The following CHERP variants were observed in gnomAD, a reference collection of about 807,000 sequenced individuals.
CHERP encodes the protein ERPROT 213-21.
Under a neutral mutation model 113.8 loss-of-function variants are expected in CHERP, and 8 were observed. The observed-to-expected ratio is 0.07, with a 90% CI of 0.04 to 0.13. The LOEUF (loss-of-function observed/expected upper bound fraction) is 0.13, where lower values mean the gene tolerates loss of function less well. Among genes scored for constraint, CHERP ranks in the 10% least tolerant of loss-of-function variants. The probability of loss-of-function intolerance (pLI) is 1.00; values close to 1 mark genes in which losing one functional copy is unlikely to be tolerated. For missense variants in CHERP, 884 were observed against 1,298.2 expected, an observed-to-expected ratio of 0.68 and a Z score of 4.90; for synonymous variants, 559 against 524.5, an observed-to-expected ratio of 1.07 and a Z score of -0.90.
At chr19:16,531,471 C>A (rs1334515808) in intron 5 of CHERP, among the ~76,000 whole-genome samples, 1 of 152,246 alleles carries the variant, frequency 6.6e-6, no homozygotes, top group Non-Finnish European at 1.5e-5. Flanking sequence ...CCTGGGAGGC[C>A]CCTGCCGCTG....
Position 16,528,134 on chromosome 19 carries a change from G to A in CHERP, c.1251C>T (p.Asn417=). ...GPGPHDQIPP[N]KPPWFDQPHP... is the part of the protein sequence containing the mutation. Reference sequence around the variant, plus strand: ...GAGGCTGGTCAAACCAAGGGGGCTTGTTTGGTGGGATCTGGTCGTGTGGCC... The same window carrying A: ...GAGGCTGGTCAAACCAAGGGGGCTTATTTGGTGGGATCTGGTCGTGTGGCC... Residue 417 remains asparagine, a synonymous_variant, in exon 9 of 17, where the codon AAC becomes AAT. Transcript: ENST00000546361. 3 of 1,613,832 alleles carry A rather than the reference G, an allele frequency of 1.9e-6. No individual in the cohort carries two copies. The highest frequency in any genetic ancestry group is 2.5e-6 in the Non-Finnish European group (3 of 1,179,964).
At position 16,521,657 on chromosome 19, in the gene CHERP, G is replaced by A. The variant is rs1359886838; in HGVS notation, c.1981-3C>T. ...GGCTTGTACTCGTGATCTTCCAGCT[G>A]CAGCAGAGAACCCCAGCTGTCACCA... On this transcript the variant is annotated splice_polypyrimidine_tract_variant and splice_region_variant and intron_variant, in intron 11 of 16. Transcript: ENST00000546361. 2 of 1,571,768 alleles carry A rather than the reference G, an allele frequency of 1.3e-6. No homozygotes were observed. The highest frequency in any genetic ancestry group is 1.7e-6 in the Non-Finnish European group (2 of 1,155,824).
chr19:16,537,034 T>C (rs574293811), intron 2 of CHERP, among the ~76,000 whole-genome samples: 5 of 152,038 alleles, frequency 3.3e-5, no homozygotes, highest in African/African-American at 1.2e-4. Flanking sequence ...AGGAAATAAA[T>C]AAACACATCA....
intron 1 of CHERP, 23 bp from the exon 2 acceptor site, chr19:16,542,066 C>A: frequency 6.3e-7 from 1 of 1,596,932 alleles, no homozygotes; most frequent in East Asian, 2.2e-5. Flanking sequence ...GAAAAGGCCA[C>A]GCGGGGCGTC....
chr19:16,533,524 G>A (rs953385894), intron 3 of CHERP, among the ~76,000 whole-genome samples: 4 of 152,252 alleles, frequency 2.6e-5, no homozygotes, highest in African/African-American at 9.6e-5. Flanking sequence ...TTGGGAGGCT[G>A]AGGCGGGAGG....
At chr19:16,537,419 G>A (rs1272176355) in intron 2 of CHERP, among the ~76,000 whole-genome samples, 1 of 152,190 alleles carries the variant, frequency 6.6e-6, no homozygotes, top group African/African-American at 2.4e-5. Flanking sequence ...CTGCGATTGT[G>A]CATGGTGTGA....
chr19:16,522,989 C>T (rs1011624789), intron 11 of CHERP, 63 bp downstream of exon 11: 2 of 1,467,666 alleles, frequency 1.4e-6, no homozygotes, highest in Admixed American at 2.7e-5. Flanking sequence ...TCACTTTTCA[C>T]AAGGAGAAAC....
At position 16,519,998 on chromosome 19, in the gene CHERP, T is replaced by C. The variant is rs981058397; in HGVS notation, c.2462+151A>G. 1.2e-6 allele frequency: 1 copy of C among 833,594 alleles called. No individual in the cohort carries two copies. Among genetic ancestry groups the C allele is most frequent in the Non-Finnish European group, 1.9e-6 (1 of 521,004 alleles). 51.6% of individuals were successfully genotyped at this position (833,594 alleles called of 1,614,324 possible). A position where few individuals can be genotyped will look rare whatever the true frequency, so the allele number is the denominator to read the frequency against. On this transcript the variant is annotated intron_variant, in intron 15 of 16. Transcript: ENST00000546361. The surrounding 1 kb of genome is among the most constrained non-coding windows in gnomAD (Gnocchi z 6.0). ...ACTGCCTCAGGCTTCGCCAAGTGGC[T>C]ACTGTGGTGAAGGGTGAGGGGTGCC...
chr19:16,539,739 G>C (rs2085765317), intron 2 of CHERP: 1 of 152,126 alleles, frequency 6.6e-6, no homozygotes, highest in African/African-American at 2.4e-5. Context: ...GCTATTTACA[G>C]GCGTGAGGCC....
rs1386854243 is a variant in CHERP at position 16,520,969 on chromosome 19, T to C, written c.2115-57A>G. On this transcript the variant is annotated intron_variant, in intron 12 of 16. Coordinates refer to ENST00000546361, the MANE Select transcript of CHERP (RefSeq NM_006387.6). This position sits in a 1 kb window ranked among gnomAD's most constrained non-coding sequence, Gnocchi z 4.0. The stretch of plus-strand genomic sequence containing the variant: ...GTGACACCCACCCACAAGGAAGTCG[T>C]GAAAAAGTCATCAGGAGTTAATCCA... 2.1e-6 allele frequency: 3 copies of C among 1,460,728 alleles called. No homozygotes were observed. The highest frequency in any genetic ancestry group is 3.3e-5 in the Admixed American group (2 of 59,774). 90.5% of individuals were successfully genotyped at this position (1,460,728 alleles called of 1,614,324 possible).
chr19:16,520,618 G>GTGGC lies in CHERP; in HGVS notation c.2202-115_2202-112dup, dbSNP rs1262910875. On this transcript the variant is annotated intron_variant, in intron 13 of 16. Coordinates refer to ENST00000546361, the MANE Select transcript of CHERP (RefSeq NM_006387.6). The surrounding 1 kb of genome is among the most constrained non-coding windows in gnomAD (Gnocchi z 4.0). ...AGATGCAGGGGCTCTGGCTGTGGAT[G>GTGGC]TGGCGCCATAGCCACAGCAACGGTA... is the stretch of plus-strand genomic sequence containing the variant. 2.8e-5 allele frequency: 37 copies of GTGGC among 1,314,282 alleles called. No individual in the cohort carries two copies. Among genetic ancestry groups the GTGGC allele is most frequent in the Non-Finnish European group, 3.9e-5 (37 of 940,886 alleles). 81.4% of individuals were successfully genotyped at this position (1,314,282 alleles called of 1,614,324 possible).
chr19:16,525,008 T>G lies in CHERP; in HGVS notation c.1741+234A>C, dbSNP rs1049329694. Among the ~76,000 whole-genome samples the G allele has an allele frequency of 2.6e-5, 4 of 152,148 alleles. No homozygotes were observed. Among genetic ancestry groups the G allele is most frequent in the Non-Finnish European group, 2.9e-5 (2 of 68,018 alleles). On this transcript the variant is annotated intron_variant, in intron 10 of 16. Transcript: ENST00000546361. This position sits in a 1 kb window ranked among gnomAD's most constrained non-coding sequence, Gnocchi z 6.5. Reference sequence around the variant, plus strand: ...CACGCCCACCCACGGCAGGAACCTTTTCCTACTGGCTCTGCCTCATCTGCA... The same window carrying G: ...CACGCCCACCCACGGCAGGAACCTTGTCCTACTGGCTCTGCCTCATCTGCA...
rs1430687504 is a variant in CHERP at position 16,520,065 on chromosome 19, C to T, written c.2462+84G>A. 6 of 1,427,078 alleles carry T rather than the reference C, an allele frequency of 4.2e-6. No homozygotes were observed. In the African/African-American group the frequency reaches 8.4e-5, roughly 20 times the overall value. The allele number at this position is 1,427,078 out of a possible 1,614,324, so 88.4% of individuals were successfully genotyped here. On this transcript the variant is annotated intron_variant, in intron 15 of 16. Transcript: ENST00000546361. This position sits in a 1 kb window ranked among gnomAD's most constrained non-coding sequence, Gnocchi z 4.0. Reference sequence around the variant, plus strand: ...TGCTGGCGGCCTCCTAACACAGTCTCCTAACCACCAATGTTTCCACATTCA... The same window carrying T: ...TGCTGGCGGCCTCCTAACACAGTCTTCTAACCACCAATGTTTCCACATTCA...
chr19:16,535,323 C>T lies in CHERP; in HGVS notation c.384+129G>A. The T allele has an allele frequency of 2.1e-6, 2 of 949,020 alleles. No individual in the cohort carries two copies. Among genetic ancestry groups the T allele is most frequent in the Non-Finnish European group, 3.2e-6 (2 of 634,596 alleles). 58.8% of individuals were successfully genotyped at this position (949,020 alleles called of 1,614,324 possible). A position where few individuals can be genotyped will look rare whatever the true frequency, so the allele number is the denominator to read the frequency against. ...GCTGGGGGTGACAGTGGCTGACATGCACCGAGCCCTGGGTGGCAGGGGGGG... is the reference window on the plus strand; with the variant it reads ...GCTGGGGGTGACAGTGGCTGACATGTACCGAGCCCTGGGTGGCAGGGGGGG... On this transcript the variant is annotated intron_variant, in intron 3 of 16. Coordinates refer to ENST00000546361, the MANE Select transcript of CHERP (RefSeq NM_006387.6). The surrounding 1 kb of genome is among the most constrained non-coding windows in gnomAD (Gnocchi z 4.3).
At chr19:16,538,056 C>T (rs1000578314) in intron 2 of CHERP, among the ~76,000 whole-genome samples, 3 of 152,180 alleles carry the variant, frequency 2.0e-5, no homozygotes, top group African/African-American at 7.2e-5. Flanking sequence ...ACTGGCTGTA[C>T]TGTGGCTAAC....
intron 3 of CHERP, among the ~76,000 whole-genome samples, chr19:16,534,092 C>T (rs1407975090): frequency 3.4e-4 from 50 of 148,300 alleles, no homozygotes; most frequent in African/African-American, 1.2e-3. Flanking sequence ...CTCGCTCTGT[C>T]GCCCAGGCTG....
chr19:16,529,548 A>C, intron 8 of CHERP, 100 bp downstream of exon 8: 1 of 1,408,806 alleles, frequency 7.1e-7, no homozygotes, highest in East Asian at 2.5e-5. Flanking sequence ...AGGGAACAAG[A>C]ACTGAGTCTG....
rs1180516379 is a variant in CHERP at position 16,535,743 on chromosome 19, C to G, written c.200-107G>C. On this transcript the variant is annotated intron_variant, in intron 2 of 16. Transcript: ENST00000546361. This position sits in a 1 kb window ranked among gnomAD's most constrained non-coding sequence, Gnocchi z 4.3. ...GGCCTCCCCCTCCCCAGGGACTCACCATCCACGAGGGCCTGTTCATAGCCT... is the reference window on the plus strand; with the variant it reads ...GGCCTCCCCCTCCCCAGGGACTCACGATCCACGAGGGCCTGTTCATAGCCT... The G allele has an allele frequency of 7.3e-6, 8 of 1,100,858 alleles. No homozygotes were observed. Among genetic ancestry groups the G allele is most frequent in the Non-Finnish European group, 1.0e-5 (8 of 795,042 alleles). 68.2% of individuals were successfully genotyped at this position (1,100,858 alleles called of 1,614,324 possible). A position where few individuals can be genotyped will look rare whatever the true frequency, so the allele number is the denominator to read the frequency against.
At position 16,525,261 on chromosome 19, in the gene CHERP, G is replaced by T. The variant is rs1327155222; in HGVS notation, c.1722C>A (p.Pro574=). The T allele has an allele frequency of 2.1e-6, 3 of 1,432,906 alleles. No individual in the cohort carries two copies. Among genetic ancestry groups the T allele is most frequent in the Admixed American group, 3.0e-5 (1 of 33,400 alleles). 88.8% of individuals were successfully genotyped at this position (1,432,906 alleles called of 1,614,324 possible). A position where few individuals can be genotyped will look rare whatever the true frequency, so the allele number is the denominator to read the frequency against. The part of the protein sequence containing the change: ...RPPYPHRFDY[P]QGDFPAEMGP... ...ACTCACCGGCAGGGAAGTCCCCCTG[G>T]GGGTAGTCGAAGCGGTGGGGATAGG... Residue 574 remains proline, a synonymous_variant, in exon 10 of 17, where the codon CCC becomes CCA. Transcript: ENST00000546361. The surrounding 1 kb of genome is among the most constrained non-coding windows in gnomAD (Gnocchi z 6.5).
Sources: gnomAD v4.1 joint callset for allele counts (sites outside exome capture counted in the v4.1 genomes callset) on GRCh38, gnomAD v4.1.1 for gene constraint, Gnocchi (gnomAD v3.1) non-coding constraint, MANE v1.5 for transcripts, NCBI Gene and HGNC (gene_info 2026-07-23, HGNC 2026-07-21) for gene names.